Variants in KCNJ6 observed in about 807,000 individuals in gnomAD.
The protein encoded by KCNJ6 is potassium inwardly rectifying channel subfamily J member 6, also known as G protein-activated inward rectifier potassium channel 2.
KCNJ6 carries 9 observed loss-of-function variants against 34.2 expected under a neutral mutation model. That is an observed-to-expected ratio of 0.26 (90% CI 0.16 to 0.46). KCNJ6 has a LOEUF of 0.46. Ranked by LOEUF, KCNJ6 falls within the 20% of genes least tolerant of loss-of-function variation. The pLI is 1.00. For synonymous variants in KCNJ6, 196 were observed against 207.1 expected (o/e 0.95, Z 0.46); for missense variants, 236 against 531.3 (o/e 0.44, Z 5.46).
At chr21:37,784,523 A>C (rs2055184211) in intron 2 of KCNJ6, among the ~76,000 whole-genome samples, 1 of 152,102 alleles carries the variant, frequency 6.6e-6, no homozygotes, top group Admixed American at 6.5e-5. Flanking sequence ...TGCACATGTT[A>C]TAGGTATTTG....
intron 2 of KCNJ6, among the ~76,000 whole-genome samples, chr21:37,806,295 G>A (rs2055293212): frequency 6.6e-6 from 1 of 152,194 alleles, no homozygotes; most frequent in South Asian, 2.1e-4. Context: ...AAGGAGATAG[G>A]AAAGAGAAAT....
At chr21:37,722,494 A>C (rs1047665768) in intron 2 of KCNJ6, among the ~76,000 whole-genome samples, 3 of 152,266 alleles carry the variant, frequency 2.0e-5, no homozygotes, top group Admixed American at 2.0e-4. Flanking sequence ...TCGTAGGCAA[A>C]AAGTACAAAG....
At chr21:37,719,684 CTCCTTCTCTTTTAGAAAA>C in intron 2 of KCNJ6, 1 of 152,306 alleles carries the variant, frequency 6.6e-6, no homozygotes, top group South Asian at 2.1e-4. Context: ...TTGTTTCTTT[CTCCTTCTCTTTTAGAAAA>C]ATTATCAATT....
chr21:37,808,922 T>G (rs1206689648), intron 2 of KCNJ6, among the ~76,000 whole-genome samples: 1 of 152,226 alleles, frequency 6.6e-6, no homozygotes, highest in Non-Finnish European at 1.5e-5. Context: ...ACACTGTTGG[T>G]GGGACTGTAA....
intron 2 of KCNJ6, among the ~76,000 whole-genome samples, chr21:37,786,171 A>C (rs2055191676): frequency 6.6e-6 from 1 of 152,194 alleles, no homozygotes; most frequent in Non-Finnish European, 1.5e-5. Flanking sequence ...CAGAACATGA[A>C]GCCTCTTTGC....
intron 3 of KCNJ6, among the ~76,000 whole-genome samples, chr21:37,667,088 A>G (rs1442178534): frequency 7.0e-6 from 1 of 142,998 alleles, no homozygotes; most frequent in Non-Finnish European, 1.5e-5. Context: ...CCTTCTCTCC[A>G]CTATTATCCT....
intron 3 of KCNJ6, among the ~76,000 whole-genome samples, chr21:37,711,798 C>CCG (rs201012605): frequency 0.033 from 2,362 of 70,752 alleles, 154 homozygotes; most frequent in East Asian, 0.3. Flanking sequence ...CTTTCTAGAA[C>CCG]CCCCCCCCCA....
intron 3 of KCNJ6, among the ~76,000 whole-genome samples, chr21:37,691,530 G>A (rs1014046549): frequency 6.6e-6 from 1 of 152,210 alleles, no homozygotes; most frequent in African/African-American, 2.4e-5. Context: ...AGCATCAGCT[G>A]AGACCGACTT....
intron 3 of KCNJ6, among the ~76,000 whole-genome samples, chr21:37,646,699 T>TC (rs5843842): frequency 1 from 150,850 of 150,852 alleles, 75,424 homozygotes; most frequent in Middle Eastern, 1. Flanking sequence ...TGAGACGGAG[T>TC]TGGCTCTGTC....
At chr21:37,855,666 TCTCCCCC>T (rs1168819485) in intron 1 of KCNJ6, among the ~76,000 whole-genome samples, 13 of 152,178 alleles carry the variant, frequency 8.5e-5, no homozygotes, top group African/African-American at 3.1e-4. Context: ...GGGGCCCCTC[TCTCCCCC>T]GGGGACCAGT....
chr21:37,887,522 A>G (rs2055741810), intron 1 of KCNJ6, among the ~76,000 whole-genome samples: 2 of 152,356 alleles, frequency 1.3e-5, no homozygotes, highest in South Asian at 4.1e-4. Flanking sequence ...GGTGGGAGAT[A>G]AAAGCCAGAA....
Position 37,831,404 on chromosome 21 carries a change from C to A in KCNJ6, c.25+9254G>T, listed in dbSNP as rs2055425217. On this transcript the variant is annotated intron_variant, in intron 2 of 3. Coordinates refer to ENST00000609713, the MANE Select transcript of KCNJ6 (RefSeq NM_002240.5). ...CGAAGTTTCTGCTGCTGCTCCCAGCCAGCCCTTCTTAGTATCCACTGAGTG... is the reference window on the plus strand; with the variant it reads ...CGAAGTTTCTGCTGCTGCTCCCAGCAAGCCCTTCTTAGTATCCACTGAGTG... Among the ~76,000 whole-genome samples the A allele has an allele frequency of 2.6e-5, 4 of 152,314 alleles. No homozygotes were observed. The South Asian group carries it at 8.3e-4, about 32-fold the overall frequency.
intron 2 of KCNJ6, among the ~76,000 whole-genome samples, chr21:37,750,100 T>A (rs2054987822): frequency 6.6e-6 from 1 of 152,148 alleles, no homozygotes; most frequent in South Asian, 2.1e-4. Context: ...AAAGAAGACA[T>A]TTATGCAGCC....
rs2054269805 is a variant in KCNJ6, at chr21:37,616,812, G to A, written c.*8347C>T. 6.6e-6 allele frequency: 1 copy of A among 151,298 alleles called. No homozygotes were observed. The highest frequency in any genetic ancestry group is 2.1e-4 in the South Asian group (1 of 4,774). 9.4% of individuals were successfully genotyped at this position (151,298 alleles called of 1,614,324 possible). The stretch of plus-strand genomic sequence containing the variant: ...CAAATTAAGAGAGAGCAGCTGGGGG[G>A]AATGGTTGGCTGACAATCTGCCATC... On this transcript the variant is annotated 3_prime_UTR_variant, in exon 4 of 4. Coordinates refer to ENST00000609713, the MANE Select transcript of KCNJ6 (RefSeq NM_002240.5).
At chr21:37,849,191 G>GCTTC (rs2055525311) in intron 1 of KCNJ6, among the ~76,000 whole-genome samples, 1 of 152,144 alleles carries the variant, frequency 6.6e-6, no homozygotes, top group Admixed American at 6.5e-5. Context: ...CTTCCAAGAT[G>GCTTC]CACCTATTCT....
intron 1 of KCNJ6, among the ~76,000 whole-genome samples, chr21:37,867,501 T>A (rs1380072792): frequency 1.3e-5 from 2 of 152,256 alleles, no homozygotes; most frequent in Non-Finnish European, 2.9e-5. Context: ...GAGATGCTTT[T>A]ATAGTTTTTT....
chr21:37,748,454 G>T (rs2054978715), intron 2 of KCNJ6, among the ~76,000 whole-genome samples: 1 of 152,194 alleles, frequency 6.6e-6, no homozygotes, highest in African/African-American at 2.4e-5. Context: ...GAGGAGAGAA[G>T]AGTTCAGAAA....
At chr21:37,639,246 G>T (rs2054370898) in intron 3 of KCNJ6, among the ~76,000 whole-genome samples, 1 of 152,218 alleles carries the variant, frequency 6.6e-6, no homozygotes, top group Non-Finnish European at 1.5e-5. Flanking sequence ...GAAAGTGATG[G>T]TAGCAGTCTT....
intron 3 of KCNJ6, among the ~76,000 whole-genome samples, chr21:37,651,697 C>G (rs1016361296): frequency 6.6e-5 from 10 of 152,132 alleles, no homozygotes; most frequent in African/African-American, 2.2e-4. Flanking sequence ...GAGCTGTACA[C>G]CAACATATGG....
Sources: gnomAD v4.1 joint callset for allele counts (sites outside exome capture counted in the v4.1 genomes callset) on GRCh38, gnomAD v4.1.1 for gene constraint, MANE v1.5 for transcripts, NCBI Gene and HGNC (gene_info 2026-07-23, HGNC 2026-07-21) for gene names.